The following LRCH1 variants were observed in gnomAD, a reference collection of about 807,000 sequenced individuals.
LRCH1 encodes the protein leucine-rich repeat and calponin homology domain-containing protein 1.
Under a neutral mutation model 94.9 loss-of-function variants are expected in LRCH1, and 23 were observed. The observed-to-expected ratio is 0.24, with a 90% CI of 0.17 to 0.34. The LOEUF is 0.34. Among genes scored for constraint, LRCH1 ranks in the 10% least tolerant of loss-of-function variants. The pLI is 1.00. For synonymous variants in LRCH1, 364 were observed against 354.9 expected, an observed-to-expected ratio of 1.03 and a Z score of -0.29; for missense variants, 790 against 945.9, an observed-to-expected ratio of 0.84 and a Z score of 2.16.
chr13:46,721,540 T>G (rs1360129835), intron 16 of LRCH1, among the ~76,000 whole-genome samples: 3 of 152,220 alleles, frequency 2.0e-5, no homozygotes, highest in African/African-American at 7.2e-5. Flanking sequence ...TCAGTTCCCT[T>G]TTCTCTGTGA....
chr13:46,606,453 G>A (rs2050688498), intron 1 of LRCH1, among the ~76,000 whole-genome samples: 2 of 152,158 alleles, frequency 1.3e-5, no homozygotes, highest in Non-Finnish European at 2.9e-5. Context: ...TTTCAGAGGT[G>A]ATATTTATAG....
At chr13:46,587,453 A>G (rs1288689813) in intron 1 of LRCH1, among the ~76,000 whole-genome samples, 1 of 152,242 alleles carries the variant, frequency 6.6e-6, no homozygotes, top group South Asian at 2.1e-4. Flanking sequence ...TGATAATGCT[A>G]CGTGTATGTG....
chr13:46,562,856 C>T (rs2050144379), intron 1 of LRCH1, among the ~76,000 whole-genome samples: 1 of 152,194 alleles, frequency 6.6e-6, no homozygotes, highest in African/African-American at 2.4e-5. Context: ...CAATAATGCT[C>T]CTGAGCCCTC....
In LRCH1 at chr13:46,716,992, C is replaced by G. The variant is rs140344488; in HGVS notation, c.1759+1328C>G. On this transcript the variant is annotated intron_variant, in intron 16 of 19. Transcript: ENST00000389797. The stretch of plus-strand genomic sequence containing the variant: ...TAATGTTGTTTAAAGGAAATAAAGC[C>G]TAGAATGAAAGATTTATGTGTGGTT... Among the ~76,000 whole-genome samples the G allele has an allele frequency of 4.0e-5, 6 of 151,588 alleles. No individual in the cohort carries two copies. The East Asian group carries it at 1.2e-3, about 29-fold the overall frequency.
At chr13:46,633,499 T>C (rs2051043422) in intron 1 of LRCH1, among the ~76,000 whole-genome samples, 1 of 152,226 alleles carries the variant, frequency 6.6e-6, no homozygotes. Flanking sequence ...GAAATAAAAC[T>C]ACATTTTGGT....
At chr13:46,728,623 AT>A (rs1872946113) in intron 17 of LRCH1, among the ~76,000 whole-genome samples, 1 of 152,244 alleles carries the variant, frequency 6.6e-6, no homozygotes, top group Non-Finnish European at 1.5e-5. Flanking sequence ...TATTCCATTC[AT>A]TCTATTAAAT....
At chr13:46,633,949 A>T (rs111766575) in intron 1 of LRCH1, among the ~76,000 whole-genome samples, 7,655 of 144,008 alleles carry the variant, frequency 0.053, 644 homozygotes, top group African/African-American at 0.18. Context: ...GCACGATCTC[A>T]GTTCACTGCA....
intron 4 of LRCH1, among the ~76,000 whole-genome samples, chr13:46,682,822 G>A (rs1190859699): frequency 6.6e-6 from 1 of 152,208 alleles, no homozygotes; most frequent in African/African-American, 2.4e-5. Flanking sequence ...GGCTTCCATA[G>A]CATGTCTGTC....
At chr13:46,650,413 A>G (rs775945519) in intron 2 of LRCH1, 68 bp downstream of exon 2, 3 of 1,374,538 alleles carry the variant, frequency 2.2e-6, no homozygotes, top group Admixed American at 2.6e-5. Flanking sequence ...TTTCATTTCT[A>G]TCCATTTTTT....
At chr13:46,749,854 G>C (rs1874054964), downstream of LRCH1, among the ~76,000 whole-genome samples, 1 of 152,160 alleles carries the variant, frequency 6.6e-6, no homozygotes, top group Non-Finnish European at 1.5e-5. Flanking sequence ...CACACAAGGA[G>C]GGACTCACGC....
chr13:46,688,548 C>T (rs1019213442), intron 6 of LRCH1, among the ~76,000 whole-genome samples: 2 of 152,224 alleles, frequency 1.3e-5, no homozygotes, highest in African/African-American at 4.8e-5. Flanking sequence ...ACAACATTCT[C>T]ACACTGAACA....
intron 1 of LRCH1, among the ~76,000 whole-genome samples, chr13:46,625,639 T>C (rs562720824): frequency 6.7e-6 from 1 of 149,952 alleles, no homozygotes; most frequent in African/African-American, 2.5e-5. Flanking sequence ...GGGGTTTTTT[T>C]TTTTTTTTTT....
intron 7 of LRCH1, among the ~76,000 whole-genome samples, chr13:46,690,528 G>T (rs1275472668): frequency 6.6e-6 from 1 of 152,074 alleles, no homozygotes; most frequent in Non-Finnish European, 1.5e-5. Flanking sequence ...TCCTTTTGTT[G>T]TCACTTAAGC....
chr13:46,750,015 A>T (rs1874060451), intron 18 of LRCH1, among the ~76,000 whole-genome samples: 1 of 152,202 alleles, frequency 6.6e-6, no homozygotes, highest in Non-Finnish European at 1.5e-5. Flanking sequence ...TTACCAATTT[A>T]TAAAGACTGT....
rs374278345 is a variant in LRCH1 at position 46,591,062 on chromosome 13, C to T, written c.307+37359C>T. Among the ~76,000 whole-genome samples, 313 of 151,920 alleles carry T rather than the reference C, an allele frequency of 2.1e-3. 1 individual carries two copies. The highest frequency in any genetic ancestry group is 7.1e-3 in the African/African-American group (296 of 41,416). ...TTCATTTTCAAAGAGCTCAGAATAT[C>T]GGTGAGACAAAGTCCCTTCCTGCCT... On this transcript the variant is annotated intron_variant, in intron 1 of 19. Coordinates refer to ENST00000389797, the MANE Select transcript of LRCH1 (RefSeq NM_001164211.2).
At chr13:46,594,657 T>G (rs993151140) in intron 1 of LRCH1, among the ~76,000 whole-genome samples, 3 of 152,136 alleles carry the variant, frequency 2.0e-5, no homozygotes, top group Non-Finnish European at 4.4e-5. Context: ...ATATTTAAAG[T>G]TTCTCGATTT....
intron 1 of LRCH1, among the ~76,000 whole-genome samples, chr13:46,560,326 T>C (rs1350996625): frequency 6.6e-6 from 1 of 152,098 alleles, no homozygotes; most frequent in Non-Finnish European, 1.5e-5. Flanking sequence ...CATGTGTAAC[T>C]TGAATTTTTG....
At chr13:46,558,384 A>G (rs1276994619) in intron 1 of LRCH1, among the ~76,000 whole-genome samples, 4 of 151,804 alleles carry the variant, frequency 2.6e-5, no homozygotes, top group African/African-American at 9.7e-5. Context: ...TAGGATTTAG[A>G]TAGAAGTGCC....
chr13:46,689,269 C>A, intron 7 of LRCH1, 73 bp downstream of exon 7: 1 of 1,097,276 alleles, frequency 9.1e-7, no homozygotes, highest in South Asian at 1.4e-5. Context: ...GAACTCCTTT[C>A]TGTTAAAGGG....
Sources: gnomAD v4.1 joint callset for allele counts (sites outside exome capture counted in the v4.1 genomes callset) on GRCh38, gnomAD v4.1.1 for gene constraint, MANE v1.5 for transcripts, NCBI Gene and HGNC (gene_info 2026-07-23, HGNC 2026-07-21) for gene names.